The following ALDH4A1 variants were observed in gnomAD, a reference collection of about 807,000 sequenced individuals.
ALDH4A1 encodes the protein aldehyde dehydrogenase 4 family member A1.
ALDH4A1 carries 46 observed loss-of-function variants against 70.5 expected under a neutral mutation model. The ratio of observed to expected loss-of-function variants is 0.65; its 90% CI spans 0.51 to 0.83. ALDH4A1 has a LOEUF of 0.83. ALDH4A1 is among the 40% of genes least tolerant of loss of function. The probability of loss-of-function intolerance (pLI) is 0.00; values close to 1 mark genes in which losing one functional copy is unlikely to be tolerated. For synonymous variants in ALDH4A1, 323 were observed against 324.3 expected (o/e 1.00, Z 0.04); for missense variants, 749 against 766.5 (o/e 0.98, Z 0.27).
chr1:18,892,842 T>C (rs184254067), intron 1 of ALDH4A1, among the ~76,000 whole-genome samples: 3 of 152,180 alleles, frequency 2.0e-5, no homozygotes. Context: ...TTGATAACGA[T>C]AAATACATTA....
In ALDH4A1 at chr1:18,902,550, T is replaced by C. The variant is rs548630029; in HGVS notation, c.-27A>G. 3.4e-6 allele frequency: 5 copies of C among 1,473,822 alleles called. No individual in the cohort carries two copies. Among genetic ancestry groups the C allele is most frequent in the African/African-American group, 1.4e-5 (1 of 69,944 alleles). The allele number at this position is 1,473,822 out of a possible 1,614,324, so 91.3% of individuals were successfully genotyped here. Reference sequence around the variant, plus strand: ...TCGGGTTAGAAGCGGGGCTGTTCGCTGGATCGTCCGCCCGGGCGCGGCGAG... The same window carrying C: ...TCGGGTTAGAAGCGGGGCTGTTCGCCGGATCGTCCGCCCGGGCGCGGCGAG... On this transcript the variant is annotated 5_prime_UTR_variant, in exon 1 of 15. Transcript: ENST00000375341.
chr1:18,879,177 G>T (rs1292371276), intron 9 of ALDH4A1, 123 bp downstream of exon 9: 3 of 943,876 alleles, frequency 3.2e-6, no homozygotes, highest in Non-Finnish European at 3.3e-6. Flanking sequence ...GGCAGTGCTG[G>T]TGCCTGAAAT....
intron 5 of ALDH4A1, among the ~76,000 whole-genome samples, chr1:18,884,183 C>T (rs571489582): frequency 1.1e-4 from 17 of 152,304 alleles, no homozygotes; most frequent in African/African-American, 4.1e-4. Flanking sequence ...TAAACTGATC[C>T]TAGACTGTCT....
intron 12 of ALDH4A1, among the ~76,000 whole-genome samples, chr1:18,875,856 T>C (rs1175451690): frequency 6.6e-6 from 1 of 152,186 alleles, no homozygotes; most frequent in Non-Finnish European, 1.5e-5. Context: ...GAAGGGTTCA[T>C]GGTTCCCTCT....
chr1:18,875,326 G>T, intron 13 of ALDH4A1, 56 bp downstream of exon 13: 1 of 1,613,066 alleles, frequency 6.2e-7, no homozygotes, highest in South Asian at 1.1e-5. Flanking sequence ...GGTGGGGATG[G>T]GGACACGGAC....
chr1:18,885,396 T>C (rs1000537948), intron 5 of ALDH4A1, 77 bp downstream of exon 5: 1 of 1,433,284 alleles, frequency 7.0e-7, no homozygotes, highest in Non-Finnish European at 9.4e-7. Context: ...CTTCAGCTGA[T>C]GTCTGCTGCC....
chr1:18,902,448 C>A lies in ALDH4A1; in HGVS notation c.62+14G>T. ...GCGCGCGCTCGGGCCGCCCCGGGCC[C>A]CGTGCTCACTCACCCGGCCCCGGTC... On this transcript the variant is annotated intron_variant, in intron 1 of 14. Coordinates refer to ENST00000375341, the MANE Select transcript of ALDH4A1 (RefSeq NM_003748.4). 1 of 1,358,440 alleles carries A rather than the reference C, an allele frequency of 7.4e-7. No individual in the cohort carries two copies. Among genetic ancestry groups the A allele is most frequent in the African/African-American group, 1.5e-5 (1 of 65,810 alleles). 84.1% of individuals were successfully genotyped at this position (1,358,440 alleles called of 1,614,324 possible). A position where few individuals can be genotyped will look rare whatever the true frequency, so the allele number is the denominator to read the frequency against.
chr1:18,881,073 A>G (rs764109676), intron 8 of ALDH4A1, among the ~76,000 whole-genome samples: 7 of 152,096 alleles, frequency 4.6e-5, no homozygotes, highest in African/African-American at 1.7e-4. Context: ...TTTCCTGCTC[A>G]GCCAGTGAGT....
At chr1:18,875,844 C>T (rs1384116657) in intron 12 of ALDH4A1, among the ~76,000 whole-genome samples, 9 of 152,222 alleles carry the variant, frequency 5.9e-5, no homozygotes, top group Non-Finnish European at 1.5e-5. Context: ...CCATTCCCTC[C>T]AGAAGGGTTC....
chr1:18,880,913 C>A lies in ALDH4A1; in HGVS notation c.866+787G>T, dbSNP rs1250428690. 6.6e-6 allele frequency among the ~76,000 whole-genome samples: 1 copy of A among 152,114 alleles called. No individual in the cohort carries two copies. The highest frequency in any genetic ancestry group is 1.5e-5 in the Non-Finnish European group (1 of 68,018). On this transcript the variant is annotated intron_variant, in intron 8 of 14. Transcript: ENST00000375341. This position sits in a 1 kb window ranked among gnomAD's most constrained non-coding sequence, Gnocchi z 5.1. ...CCCTGCTTGAAGCCTTCCATGGCTC[C>A]CATCACCTTCAGGATAAAGGCCAGA...
intron 1 of ALDH4A1, 54 bp downstream of exon 1, chr1:18,902,408 G>A (rs906677632): frequency 1.4e-5 from 18 of 1,287,200 alleles, no homozygotes; most frequent in Non-Finnish European, 1.7e-5. Flanking sequence ...TGACTCTCAG[G>A]CTCCCGGGCC....
chr1:18,880,906 A>G lies in ALDH4A1; in HGVS notation c.866+794T>C, dbSNP rs1209921544. ...CCACTCTCCCTGCTTGAAGCCTTCCATGGCTCCCATCACCTTCAGGATAAA... is the reference window on the plus strand; with the variant it reads ...CCACTCTCCCTGCTTGAAGCCTTCCGTGGCTCCCATCACCTTCAGGATAAA... On this transcript the variant is annotated intron_variant, in intron 8 of 14. Transcript: ENST00000375341. This position sits in a 1 kb window ranked among gnomAD's most constrained non-coding sequence, Gnocchi z 5.1. Among the ~76,000 whole-genome samples the G allele has an allele frequency of 6.6e-6, 1 of 151,984 alleles. No homozygotes were observed. Among genetic ancestry groups the G allele is most frequent in the East Asian group, 1.9e-4 (1 of 5,170 alleles).
intron 13 of ALDH4A1, among the ~76,000 whole-genome samples, 169 bp from the exon 14 acceptor site, chr1:18,874,750 T>A (rs1194698632): frequency 6.6e-6 from 1 of 152,216 alleles, no homozygotes; most frequent in East Asian, 1.9e-4. Flanking sequence ...TCGGTCAGGT[T>A]ACCCAGTCTC....
At chr1:18,893,631 T>C (rs866371948) in intron 1 of ALDH4A1, among the ~76,000 whole-genome samples, 1 of 152,142 alleles carries the variant, frequency 6.6e-6, no homozygotes, top group Non-Finnish European at 1.5e-5. Flanking sequence ...GCCTCCCAAG[T>C]AGCTGGGATT....
Position 18,874,462 on chromosome 1 carries a change from C to T in ALDH4A1, c.1579+1G>A, listed in dbSNP as rs1238644752. The T allele has an allele frequency of 1.2e-6, 2 of 1,613,904 alleles. No homozygotes were observed. The highest frequency in any genetic ancestry group is 4.5e-5 in the East Asian group (2 of 44,874). On this transcript the variant is annotated splice_donor_variant, in intron 14 of 14. Coordinates refer to ENST00000375341, the MANE Select transcript of ALDH4A1 (RefSeq NM_003748.4). LOFTEE classifies it high-confidence loss of function. Reference sequence around the variant, plus strand: ...CCCTGTGGGAAGGGGGACCCACTCACCAGAGGCTCGGGCCCCCCCAAAGGG... The same window carrying T: ...CCCTGTGGGAAGGGGGACCCACTCATCAGAGGCTCGGGCCCCCCCAAAGGG...
At chr1:18,888,562 G>A (rs953345496) in intron 3 of ALDH4A1, among the ~76,000 whole-genome samples, 1 of 152,238 alleles carries the variant, frequency 6.6e-6, no homozygotes, top group Non-Finnish European at 1.5e-5. Context: ...AGCCTCAGAC[G>A]CCTGCGGAGC....
chr1:18,893,914 C>T (rs1044818224), intron 1 of ALDH4A1, among the ~76,000 whole-genome samples: 5 of 152,224 alleles, frequency 3.3e-5, no homozygotes, highest in East Asian at 1.9e-4. Context: ...AGTGTATATT[C>T]GAGGTAACTT....
At chr1:18,897,432 A>G (rs1935660787) in intron 1 of ALDH4A1, among the ~76,000 whole-genome samples, 2 of 152,192 alleles carry the variant, frequency 1.3e-5, no homozygotes, top group African/African-American at 2.4e-5. Context: ...AGTCTCAGCT[A>G]CTTAGGAGGC....
chr1:18,874,632 C>T (rs750153450), intron 13 of ALDH4A1, 51 bp from the exon 14 acceptor site: 1 of 1,577,896 alleles, frequency 6.3e-7, no homozygotes, highest in Non-Finnish European at 8.7e-7. Flanking sequence ...TCCCCTCCAG[C>T]CCCAGCTCCA....
Sources: gnomAD v4.1 joint callset for allele counts (sites outside exome capture counted in the v4.1 genomes callset) on GRCh38, gnomAD v4.1.1 for gene constraint, Gnocchi (gnomAD v3.1) non-coding constraint, MANE v1.5 for transcripts, NCBI Gene and HGNC (gene_info 2026-07-23, HGNC 2026-07-21) for gene names.